The following DPP9 variants were observed in gnomAD, a reference collection of about 807,000 sequenced individuals.
DPP9 encodes dipeptidyl peptidase 9, also known as dipeptidyl peptidase IV-related protein-2.
In DPP9, 50 loss-of-function variants were observed where a neutral mutation model predicts 110.7. The observed-to-expected ratio is 0.45, with a 90% CI of 0.36 to 0.57. The LOEUF (loss-of-function observed/expected upper bound fraction) is 0.57. DPP9 is among the 20% of genes least tolerant of loss of function. The pLI, the probability that DPP9 is intolerant of heterozygous loss-of-function variation, is 0.00. For synonymous variants in DPP9, 561 were observed against 514.4 expected, an observed-to-expected ratio of 1.09 and a Z score of -1.23; for missense variants, 1,022 against 1,217.9, an observed-to-expected ratio of 0.84 and a Z score of 2.39.
rs1432595667 is a variant in DPP9, at chr19:4,710,427, G to C, written c.313+3654C>G. ...GCGTGGGGCGGGAGCGGGGTCGGGA[G>C]CGTTTCCCAATGCTGCAGTCTGAGG... On this transcript the variant is annotated intron_variant, in intron 4 of 21. Transcript: ENST00000262960. This position sits in a 1 kb window ranked among gnomAD's most constrained non-coding sequence, Gnocchi z 5.6. Among the ~76,000 whole-genome samples, 1 of 152,244 alleles carries C rather than the reference G, an allele frequency of 6.6e-6. No homozygotes were observed. The highest frequency in any genetic ancestry group is 1.5e-5 in the Non-Finnish European group (1 of 68,048).
rs1194532474 is a variant in DPP9, at chr19:4,693,006, T to C, written c.1516+1655A>G. On this transcript the variant is annotated intron_variant, in intron 13 of 21. Transcript: ENST00000262960. This position sits in a 1 kb window ranked among gnomAD's most constrained non-coding sequence, Gnocchi z 5.0. The stretch of plus-strand genomic sequence containing the variant: ...CTCATTCGCCCTTCAGCTCCTGCAG[T>C]CCCGGATGCCTCGCTCCCTGGGGTC... 6.6e-6 allele frequency among the ~76,000 whole-genome samples: 1 copy of C among 152,088 alleles called. No individual in the cohort carries two copies. Among genetic ancestry groups the C allele is most frequent in the South Asian group, 2.1e-4 (1 of 4,820 alleles).
chr19:4,719,272 G>A (rs1439442834), intron 3 of DPP9: 2 of 152,054 alleles, frequency 1.3e-5, no homozygotes, highest in East Asian at 3.9e-4. Flanking sequence ...AGGTTGCAGG[G>A]AGCCAAGATC....
intron 1 of DPP9, among the ~76,000 whole-genome samples, chr19:4,723,354 G>A (rs1246491710): frequency 6.6e-6 from 1 of 152,184 alleles, no homozygotes; most frequent in Non-Finnish European, 1.5e-5. Context: ...GTTCTTGGGT[G>A]CGGCCACCTC....
Position 4,675,409 on chromosome 19 carries a change from G to A in DPP9, c.*1155C>T, listed in dbSNP as rs2088738575. ...CCTGGCAGAGCTCTTGGCGGGGAGG[G>A]AAGGGGAGAGGGAAATATAACCCTG... On this transcript the variant is annotated 3_prime_UTR_variant, in exon 22 of 22. Transcript: ENST00000262960. The A allele has an allele frequency of 6.6e-6, 1 of 151,780 alleles. No individual in the cohort carries two copies. Among genetic ancestry groups the A allele is most frequent in the Non-Finnish European group, 1.5e-5 (1 of 67,886 alleles). 9.4% of individuals were successfully genotyped at this position (151,780 alleles called of 1,614,324 possible).
Position 4,700,114 on chromosome 19 carries a change from C to G in DPP9, c.1074+102G>C. 2.1e-6 allele frequency: 2 copies of G among 946,964 alleles called. No homozygotes were observed. The highest frequency in any genetic ancestry group is 4.2e-5 in the South Asian group (2 of 47,920). 58.7% of individuals were successfully genotyped at this position (946,964 alleles called of 1,614,324 possible). A position where few individuals can be genotyped will look rare whatever the true frequency, so the allele number is the denominator to read the frequency against. ...GGCAGGGCTGGGGCCTGGGGAGTGC[C>G]CCCGAGAGGGAGGTGAGTGACCTGC... On this transcript the variant is annotated intron_variant, in intron 10 of 21. Coordinates refer to ENST00000262960, the MANE Select transcript of DPP9 (RefSeq NM_139159.5). The surrounding 1 kb of genome is among the most constrained non-coding windows in gnomAD (Gnocchi z 4.3).
intron 21 of DPP9, among the ~76,000 whole-genome samples, chr19:4,677,360 C>A (rs1032664029): frequency 3.7e-4 from 56 of 152,106 alleles, no homozygotes; most frequent in African/African-American, 1.3e-3. Flanking sequence ...GAAAATAACC[C>A]TACGTTCTCC....
rs1445507040 is a variant in DPP9, at chr19:4,714,137, T to C, written c.257A>G (p.Gln86Arg). The part of the protein sequence containing the change: ...LIVNKAPHDF[Q>R]FVQKTDESGP... ...AGACTCATCCGTCTTCTGCACAAAC[T>C]GGAAGTCGTGGGGCGCCTTGTTGAC... The change falls in exon 4 of 22, where the codon CAG (glutamine) becomes CGG (arginine). Residue 86 changes from glutamine (Q) to arginine (R), a missense_variant. By Grantham distance (43) the Gln-to-Arg change is conservative. Coordinates refer to ENST00000262960, the MANE Select transcript of DPP9 (RefSeq NM_139159.5). 3 of 1,613,392 alleles carry C rather than the reference T, an allele frequency of 1.9e-6. No individual in the cohort carries two copies. In the African/African-American group the frequency reaches 4.0e-5, roughly 22 times the overall value.
chr19:4,697,372 T>G (rs2091892076), intron 11 of DPP9, among the ~76,000 whole-genome samples, 179 bp downstream of exon 11: 1 of 152,216 alleles, frequency 6.6e-6, no homozygotes, highest in Non-Finnish European at 1.5e-5. Flanking sequence ...ATCCTCAGAC[T>G]GGCTGAGGTC....
At position 4,687,245 on chromosome 19, in the gene DPP9, G is replaced by T. The variant is rs575249982; in HGVS notation, c.1886-1474C>A. On this transcript the variant is annotated intron_variant, in intron 16 of 21. Coordinates refer to ENST00000262960, the MANE Select transcript of DPP9 (RefSeq NM_139159.5). This position sits in a 1 kb window ranked among gnomAD's most constrained non-coding sequence, Gnocchi z 4.7. ...CATCACAAAATGCTTTCCAGCCCAC[G>T]GAATACCCCGCATATGCTGGAAATT... Among the ~76,000 whole-genome samples the T allele has an allele frequency of 1.3e-5, 2 of 152,116 alleles. No homozygotes were observed. The highest frequency in any genetic ancestry group is 4.8e-5 in the African/African-American group (2 of 41,414).
intron 3 of DPP9, among the ~76,000 whole-genome samples, chr19:4,717,327 G>A (rs1178465168): frequency 4.6e-5 from 7 of 152,190 alleles, no homozygotes; most frequent in Admixed American, 3.3e-4. Context: ...CACAAGCAGC[G>A]TTAGGCAGCG....
At chr19:4,713,941 G>C in intron 4 of DPP9, 140 bp downstream of exon 4, 1 of 1,320,098 alleles carries the variant, frequency 7.6e-7, no homozygotes, top group South Asian at 1.5e-5. Flanking sequence ...CTGTGGCTGA[G>C]CCTCGAAGGA....
chr19:4,687,363 G>A lies in DPP9; in HGVS notation c.1885+1394C>T, dbSNP rs2090856190. On this transcript the variant is annotated intron_variant, in intron 16 of 21. Coordinates refer to ENST00000262960, the MANE Select transcript of DPP9 (RefSeq NM_139159.5). This position sits in a 1 kb window ranked among gnomAD's most constrained non-coding sequence, Gnocchi z 4.7. ...GTACTGAGTGATGCCTGGGAGCCCA[G>A]CAGTGTGCTGACCCGCTGGTTTTCA... Among the ~76,000 whole-genome samples the A allele has an allele frequency of 6.6e-6, 1 of 152,254 alleles. No individual in the cohort carries two copies. The highest frequency in any genetic ancestry group is 2.4e-5 in the African/African-American group (1 of 41,478).
At chr19:4,688,655 G>T in intron 16 of DPP9, 102 bp downstream of exon 16, 1 of 1,315,632 alleles carries the variant, frequency 7.6e-7, no homozygotes, top group Non-Finnish European at 9.7e-7. Flanking sequence ...GGCCAGGCAG[G>T]CCAGCTCCAG....
intron 9 of DPP9, 83 bp downstream of exon 9, chr19:4,701,944 C>A: frequency 1.9e-6 from 3 of 1,546,622 alleles, no homozygotes; most frequent in Non-Finnish European, 2.6e-6. Context: ...GCTCAGAGGG[C>A]CTGGGGGACA....
At chr19:4,708,003 G>A (rs2092670936) in intron 4 of DPP9, among the ~76,000 whole-genome samples, 1 of 152,122 alleles carries the variant, frequency 6.6e-6, no homozygotes, top group South Asian at 2.1e-4. Context: ...AGTAATATCT[G>A]TGCCATTTTT....
At position 4,694,624 on chromosome 19, in the gene DPP9, C is replaced by T. The variant is rs535074477; in HGVS notation, c.1516+37G>A. On this transcript the variant is annotated intron_variant, in intron 13 of 21. Transcript: ENST00000262960. The surrounding 1 kb of genome is among the most constrained non-coding windows in gnomAD (Gnocchi z 4.0). ...AGCATATTGAACCACACGTGACTAA[C>T]GCGATGAGTCGACAGCATTCGTCAG... The T allele has an allele frequency of 5.6e-5, 90 of 1,593,630 alleles. No homozygotes were observed. In the East Asian group the frequency reaches 1.3e-3, roughly 23 times the overall value.
Position 4,694,026 on chromosome 19 carries a change from C to T in DPP9, c.1516+635G>A, listed in dbSNP as rs1388378613. On this transcript the variant is annotated intron_variant, in intron 13 of 21. Transcript: ENST00000262960. This position sits in a 1 kb window ranked among gnomAD's most constrained non-coding sequence, Gnocchi z 4.0. ...CTCCCGTTGTAGAAAGAAGGCCCCT[C>T]ACCCTCAAGCCTCTCGCCCGACTGC... 2.0e-5 allele frequency among the ~76,000 whole-genome samples: 3 copies of T among 151,626 alleles called. No homozygotes were observed. Among genetic ancestry groups the T allele is most frequent in the African/African-American group, 7.2e-5 (3 of 41,420 alleles).
Position 4,682,616 on chromosome 19 carries a change from G to A in DPP9, c.2474+80C>T, listed in dbSNP as rs1325633798. 1.3e-6 allele frequency: 2 copies of A among 1,549,314 alleles called. No individual in the cohort carries two copies. Among genetic ancestry groups the A allele is most frequent in the African/African-American group, 1.4e-5 (1 of 73,598 alleles). On this transcript the variant is annotated intron_variant, in intron 20 of 21. Coordinates refer to ENST00000262960, the MANE Select transcript of DPP9 (RefSeq NM_139159.5). This position sits in a 1 kb window ranked among gnomAD's most constrained non-coding sequence, Gnocchi z 7.1. ...CTGGGCAGGGCCAGCTGGGGCAGGA[G>A]GGCACCCTCATAGAGACAGCTGGTG...
rs577661260 is a variant in DPP9 at position 4,683,977 on chromosome 19, G to A, written c.2179-348C>T. On this transcript the variant is annotated intron_variant, in intron 18 of 21. Transcript: ENST00000262960. ...AGACGGGTGCCCAGGCATGTGCAAG[G>A]GCACAAAGAATGGCTGGTGCCATCG... The A allele has an allele frequency of 7.5e-6, 4 of 535,756 alleles. No homozygotes were observed. The South Asian group carries it at 7.8e-5, about 10-fold the overall frequency. The allele number at this position is 535,756 out of a possible 1,614,324, so 33.2% of individuals were successfully genotyped here. A position where few individuals can be genotyped will look rare whatever the true frequency, so the allele number is the denominator to read the frequency against.
Sources: allele counts gnomAD v4.1 joint callset (sites outside exome capture counted in the v4.1 genomes callset), GRCh38; gene constraint gnomAD v4.1.1; non-coding constraint Gnocchi (gnomAD v3.1); transcripts MANE v1.5; gene names NCBI Gene and HGNC (gene_info 2026-07-23, HGNC 2026-07-21).